Variants in BNC2 observed in about 807,000 individuals in gnomAD.
BNC2 encodes zinc finger protein basonuclin-2.
In BNC2, 20 loss-of-function variants were observed where a neutral mutation model predicts 76.3. That is an observed-to-expected ratio of 0.26 (90% CI 0.18 to 0.38). BNC2 has a LOEUF of 0.38. BNC2 is among the 10% of genes least tolerant of loss of function. BNC2 has a pLI of 1.00. For missense variants in BNC2, 1,382 were observed against 1,399.8 expected (o/e 0.99, Z 0.20); for synonymous variants, 582 against 514.8 (o/e 1.13, Z -1.77).
intron 1 of BNC2, among the ~76,000 whole-genome samples, chr9:16,868,988 C>A (rs1185809031): frequency 6.6e-6 from 1 of 152,152 alleles, no homozygotes; most frequent in East Asian, 1.9e-4. Flanking sequence ...GGCAGACAGG[C>A]TTAGCCACAG....
chr9:16,805,289 C>G (rs1254570542), intron 1 of BNC2, among the ~76,000 whole-genome samples: 1 of 152,014 alleles, frequency 6.6e-6, no homozygotes, highest in African/African-American at 2.4e-5. Flanking sequence ...ACATGAATTC[C>G]CTGGCTATTG....
At chr9:16,706,282 T>G (rs1388663791) in intron 3 of BNC2, among the ~76,000 whole-genome samples, 4 of 152,224 alleles carry the variant, frequency 2.6e-5, no homozygotes, top group Admixed American at 2.6e-4. Flanking sequence ...ATTAACTATC[T>G]TCATATGATG....
chr9:16,711,112 C>G (rs1158567738), intron 3 of BNC2, among the ~76,000 whole-genome samples: 1 of 152,144 alleles, frequency 6.6e-6, no homozygotes, highest in African/African-American at 2.4e-5. Flanking sequence ...CCCCTCCCCC[C>G]AGTCTTTCTC....
intron 5 of BNC2, among the ~76,000 whole-genome samples, chr9:16,503,762 T>C (rs1198532057): frequency 6.6e-6 from 1 of 152,194 alleles, no homozygotes; most frequent in African/African-American, 2.4e-5. Flanking sequence ...TAAATATATA[T>C]GGATATACAA....
intron 3 of BNC2, among the ~76,000 whole-genome samples, chr9:16,618,317 C>T (rs902696889): frequency 3.9e-5 from 6 of 152,176 alleles, no homozygotes; most frequent in African/African-American, 7.2e-5. Context: ...AGCTATTCTA[C>T]GTAGATTTCA....
At chr9:16,662,416 T>G (rs376394213) in intron 3 of BNC2, among the ~76,000 whole-genome samples, 1 of 152,182 alleles carries the variant, frequency 6.6e-6, no homozygotes, top group Non-Finnish European at 1.5e-5. Flanking sequence ...TCAGAGGTAA[T>G]TGGCCAGATT....
intron 3 of BNC2, among the ~76,000 whole-genome samples, chr9:16,618,465 C>CA (rs1421710858): frequency 6.6e-6 from 1 of 152,146 alleles, no homozygotes; most frequent in Non-Finnish European, 1.5e-5. Flanking sequence ...GGACTAGGGA[C>CA]ACAACATCAA....
chr9:16,735,621 C>T (rs561706535), intron 2 of BNC2, among the ~76,000 whole-genome samples: 70 of 152,010 alleles, frequency 4.6e-4, no homozygotes, highest in Non-Finnish European at 9.0e-4. Flanking sequence ...CTCAGCCTAC[C>T]GAGTAGCTGG....
Position 16,553,588 on chromosome 9 carries a change from G to C in BNC2, c.434-823C>G, listed in dbSNP as rs536302059. 4.6e-5 allele frequency among the ~76,000 whole-genome samples: 7 copies of C among 152,288 alleles called. No homozygotes were observed. In the East Asian group the frequency reaches 1.3e-3, roughly 29 times the overall value. On this transcript the variant is annotated intron_variant, in intron 4 of 6. Transcript: ENST00000380672. ...ACAAACCAACATTTGAGAATTTCTGGTGTATTTCAGCTAACTGTATTATCT... is the reference window on the plus strand; with the variant it reads ...ACAAACCAACATTTGAGAATTTCTGCTGTATTTCAGCTAACTGTATTATCT...
At chr9:16,519,354 C>T (rs545586074) in intron 5 of BNC2, among the ~76,000 whole-genome samples, 89 of 152,292 alleles carry the variant, frequency 5.8e-4, no homozygotes, top group African/African-American at 2.1e-3. Flanking sequence ...AAAATTCTAA[C>T]GTAAAGTCCC....
At chr9:16,634,154 T>C (rs757975722) in intron 3 of BNC2, among the ~76,000 whole-genome samples, 6 of 152,224 alleles carry the variant, frequency 3.9e-5, no homozygotes, top group African/African-American at 7.2e-5. Context: ...TATTCCCCAA[T>C]TGCAATTTGT....
intron 5 of BNC2, among the ~76,000 whole-genome samples, chr9:16,515,516 G>C (rs1296051279): frequency 6.6e-6 from 1 of 152,028 alleles, no homozygotes; most frequent in Non-Finnish European, 1.5e-5. Flanking sequence ...CTGGCTGTCT[G>C]TTTAGTGTCA....
At chr9:16,627,274 C>T (rs983971822) in intron 3 of BNC2, among the ~76,000 whole-genome samples, 1 of 152,156 alleles carries the variant, frequency 6.6e-6, no homozygotes, top group African/African-American at 2.4e-5. Context: ...TACCACCTGT[C>T]TCAATAGCAG....
intron 1 of BNC2, among the ~76,000 whole-genome samples, chr9:16,779,514 T>C (rs954666824): frequency 3.3e-5 from 5 of 152,146 alleles, no homozygotes; most frequent in African/African-American, 1.2e-4. Context: ...ATTTAGGATA[T>C]CACAACTTCA....
chr9:16,649,151 CCTGA>C (rs77653094), intron 3 of BNC2, among the ~76,000 whole-genome samples: 3,358 of 152,236 alleles, frequency 0.022, 143 homozygotes, highest in East Asian at 0.2. Flanking sequence ...AGAGAATGAG[CCTGA>C]CTAACACAGA....
intron 1 of BNC2, among the ~76,000 whole-genome samples, chr9:16,787,131 C>T (rs913803645): frequency 6.6e-6 from 1 of 152,216 alleles, no homozygotes; most frequent in African/African-American, 2.4e-5. Flanking sequence ...AGTCTGCCTA[C>T]TTCAGCAACA....
At chr9:16,754,013 C>A (rs558050185) in intron 1 of BNC2, among the ~76,000 whole-genome samples, 3 of 152,280 alleles carry the variant, frequency 2.0e-5, no homozygotes, top group Non-Finnish European at 4.4e-5. Flanking sequence ...CCCAGATGGG[C>A]TCCAGCAAAG....
At chr9:16,454,429 T>G (rs1821405136) in intron 5 of BNC2, among the ~76,000 whole-genome samples, 1 of 152,100 alleles carries the variant, frequency 6.6e-6, no homozygotes, top group East Asian at 1.9e-4. Flanking sequence ...GCCTCTCAAG[T>G]AGCTAGGACT....
rs558602478 is a variant in BNC2, at chr9:16,502,129, G to A, written c.669+50401C>T. 5.3e-5 allele frequency among the ~76,000 whole-genome samples: 8 copies of A among 152,148 alleles called. No homozygotes were observed. In the South Asian group the frequency reaches 1.2e-3, roughly 24 times the overall value. On this transcript the variant is annotated intron_variant, in intron 5 of 6. Transcript: ENST00000380672. ...TGTAATCCTAGATCTTTGGGAAGTC[G>A]AGATGGGAGGATAACTTGAGGGTAG...
Sources: gnomAD v4.1 joint callset for allele counts (sites outside exome capture counted in the v4.1 genomes callset) on GRCh38, gnomAD v4.1.1 for gene constraint, MANE v1.5 for transcripts, NCBI Gene and HGNC (gene_info 2026-07-23, HGNC 2026-07-21) for gene names.